MYH11: variants seen among roughly 807,000 people sequenced by gnomAD.
The protein encoded by MYH11 is myosin heavy chain 11, also known as myosin-11.
MYH11 carries 80 observed loss-of-function variants against 246.6 expected under a neutral mutation model. The observed-to-expected ratio is 0.32, with a 90% CI of 0.27 to 0.39. The LOEUF (loss-of-function observed/expected upper bound fraction) is 0.39. MYH11 is among the 10% of genes least tolerant of loss of function. The pLI is 1.00. For synonymous variants in MYH11, 1,071 were observed against 1,015.5 expected, an observed-to-expected ratio of 1.05 and a Z score of -1.04; for missense variants, 2,158 against 2,546.8, an observed-to-expected ratio of 0.85 and a Z score of 3.29.
intron 1 of MYH11, among the ~76,000 whole-genome samples, chr16:15,850,946 A>T (rs1048676926): frequency 6.6e-6 from 1 of 152,120 alleles, no homozygotes; most frequent in African/African-American, 2.4e-5. Context: ...AATGTCATAA[A>T]GGGCTGGATA....
At chr16:15,777,415 C>T (rs1596820509) in intron 7 of MYH11, among the ~76,000 whole-genome samples, 2 of 152,200 alleles carry the variant, frequency 1.3e-5, no homozygotes, top group East Asian at 3.9e-4. Flanking sequence ...ACCACCGTGC[C>T]TGGCTGAGAT....
intron 3 of MYH11, among the ~76,000 whole-genome samples, chr16:15,820,975 C>T (rs150836834): frequency 1.7e-4 from 26 of 152,302 alleles, no homozygotes; most frequent in African/African-American, 5.5e-4. Context: ...TGGTCTCAAG[C>T]GATCCTCCCA....
rs774511118 is a variant in MYH11 at position 15,714,923 on chromosome 16, G to C, written c.5772C>G (p.Leu1924=). The change falls in exon 40 of 41, where the codon CTC becomes CTG. Residue 1924 remains leucine (L), a synonymous_variant. Transcript: ENST00000300036. ...NEAMGREVNA[L]KSKLRRGNET... ...GGGCTCCTCACCTGAGCTTGCTCTTGAGTGCGTTCACCTCGCGGCCCATGG... is the reference window on the plus strand; with the variant it reads ...GGGCTCCTCACCTGAGCTTGCTCTTCAGTGCGTTCACCTCGCGGCCCATGG... 15 of 1,613,862 alleles carry C rather than the reference G, an allele frequency of 9.3e-6. No homozygotes were observed. The highest frequency in any genetic ancestry group is 1.3e-5 in the Non-Finnish European group (15 of 1,180,036).
In MYH11 at chr16:15,719,328, G is replaced by GT; in HGVS notation, c.5083-21_5083-20insA. The GT allele has an allele frequency of 6.2e-7, 1 of 1,607,130 alleles. No homozygotes were observed. Among genetic ancestry groups the GT allele is most frequent in the African/African-American group, 1.3e-5 (1 of 75,032 alleles). On this transcript the variant is annotated intron_variant, in intron 35 of 40. Transcript: ENST00000300036. ...GAGGTCCTAGGTGGGAGGGAGGAAG[G>GT]CTGTTGTCTGCCAGGGAAAGGCCAA...
Position 15,850,280 on chromosome 16 carries a change from G to A in MYH11, c.-18+6661C>T, listed in dbSNP as rs538739448. 4.6e-5 allele frequency among the ~76,000 whole-genome samples: 7 copies of A among 152,262 alleles called. No homozygotes were observed. In the South Asian group the frequency reaches 1.0e-3, roughly 23 times the overall value. ...GGCGCCTGTAATACCAGCTACTCAG[G>A]AGGCTGAGGAAGGAGAATCGCTTGA... On this transcript the variant is annotated intron_variant, in intron 1 of 40. Coordinates refer to ENST00000300036, the MANE Select transcript of MYH11 (RefSeq NM_002474.3).
intron 3 of MYH11, among the ~76,000 whole-genome samples, chr16:15,807,776 G>A (rs899033081): frequency 6.6e-6 from 1 of 152,134 alleles, no homozygotes; most frequent in African/African-American, 2.4e-5. Context: ...CCTCGGATGT[G>A]TAAGGCCCCA....
At chr16:15,774,158 G>T (rs897153417) in intron 8 of MYH11, among the ~76,000 whole-genome samples, 2 of 152,200 alleles carry the variant, frequency 1.3e-5, no homozygotes, top group African/African-American at 4.8e-5. Context: ...CAAACTTTTG[G>T]ATTAACTTGA....
At chr16:15,746,744 C>T (rs1045606725) in intron 19 of MYH11, among the ~76,000 whole-genome samples, 1 of 152,144 alleles carries the variant, frequency 6.6e-6, no homozygotes, top group Non-Finnish European at 1.5e-5. Context: ...CACTGGGACA[C>T]GGGGATCTAG....
At chr16:15,766,921 G>A (rs967070782) in intron 9 of MYH11, among the ~76,000 whole-genome samples, 10 of 152,238 alleles carry the variant, frequency 6.6e-5, no homozygotes, top group African/African-American at 2.4e-4. Context: ...GCATCCTGGT[G>A]TGCTGGTGCA....
intron 27 of MYH11, among the ~76,000 whole-genome samples, chr16:15,727,512 T>C (rs2040829618): frequency 6.6e-6 from 1 of 152,142 alleles, no homozygotes; most frequent in Admixed American, 6.6e-5. Context: ...ATATTTTGGA[T>C]TCTATTTTCC....
At position 15,771,605 on chromosome 16, in the gene MYH11, T is replaced by A. The variant is rs754644880; in HGVS notation, c.997A>T (p.Met333Leu). 6.2e-7 allele frequency: 1 copy of A among 1,614,050 alleles called. No homozygotes were observed. The highest frequency in any genetic ancestry group is 8.5e-7 in the Non-Finnish European group (1 of 1,180,016). Reference protein sequence around the residue: ...DEMFQETVEAMAIMGFSEEEQ... With the variant: ...DEMFQETVEALAIMGFSEEEQ... Reference sequence around the variant, plus strand: ...TCCTCGCTGAAACCCATGATTGCCATGGCCTCCACGGTTTCCTGGAACATC... The same window carrying A: ...TCCTCGCTGAAACCCATGATTGCCAAGGCCTCCACGGTTTCCTGGAACATC... Residue 333 changes from methionine (M) to leucine (L), a missense_variant, in exon 9 of 41, where the codon ATG becomes TTG. By Grantham distance (15) the Met-to-Leu change is conservative. Around this residue, in one of 11 missense-constraint regions of MYH11, gnomAD observed 75 missense variants for 70.0 expected, o/e 1.07. Coordinates refer to ENST00000300036, the MANE Select transcript of MYH11 (RefSeq NM_002474.3).
Position 15,760,541 on chromosome 16 carries a change from T to C in MYH11, c.1247A>G (p.Gln416Arg), listed in dbSNP as rs2041844568. 2 of 1,598,530 alleles carry C rather than the reference T, an allele frequency of 1.3e-6. No individual in the cohort carries two copies. Among genetic ancestry groups the C allele is most frequent in the African/African-American group, 1.3e-5 (1 of 74,628 alleles). Residue 416 changes from glutamine to arginine, a missense_variant and splice_region_variant, in exon 11 of 41, where the codon CAG becomes CGG. Gln to Arg is a conservative substitution (Grantham distance 43, BLOSUM62 1). Coordinates refer to ENST00000300036, the MANE Select transcript of MYH11 (RefSeq NM_002474.3). ...GATAAGTGATAAGTACATCATTACC[T>C]GTTCTTTTGTCTGAGCTTTCTGTAC... The part of the protein sequence containing the change: ...DVVQKAQTKE[Q>R]ADFAVEALAK...
intron 3 of MYH11, among the ~76,000 whole-genome samples, chr16:15,802,102 C>T (rs1000365329): frequency 6.6e-6 from 1 of 152,174 alleles, no homozygotes; most frequent in African/African-American, 2.4e-5. Flanking sequence ...TTTCCTCATC[C>T]CACCAAAAAT....
rs145454609 is a variant in MYH11, at chr16:15,770,708, C to T, written c.1033+861G>A. On this transcript the variant is annotated intron_variant, in intron 9 of 40. Transcript: ENST00000300036. The stretch of plus-strand genomic sequence containing the variant: ...TAGGGACCATAATGAAACCACCCTG[C>T]GCTTTCCACAACCCTGCCTATGCTG... Among the ~76,000 whole-genome samples the T allele has an allele frequency of 9.9e-5, 15 of 152,240 alleles. No individual in the cohort carries two copies. In the South Asian group the frequency reaches 1.0e-3, roughly 11 times the overall value.
intron 3 of MYH11, among the ~76,000 whole-genome samples, chr16:15,810,874 A>G (rs941139541): frequency 7.9e-5 from 12 of 152,224 alleles, no homozygotes; most frequent in African/African-American, 2.9e-4. Flanking sequence ...ATCATCTAAA[A>G]CAGTGATCTA....
chr16:15,704,261 CACAAATA>C, intron 40 of MYH11, 138 bp from the exon 41 acceptor site: 1 of 918,612 alleles, frequency 1.1e-6, no homozygotes, highest in South Asian at 1.5e-5. Context: ...ACACACACGG[CACAAATA>C]AGATGCAGAT....
At chr16:15,756,960 G>C (rs1256294643) in intron 13 of MYH11, among the ~76,000 whole-genome samples, 7 of 151,452 alleles carry the variant, frequency 4.6e-5, no homozygotes, top group African/African-American at 1.7e-4. Flanking sequence ...CACGGCGCCC[G>C]GCTGATTTTT....
Position 15,778,852 on chromosome 16 carries a change from A to G in MYH11, c.727-9T>C. 1 of 1,614,042 alleles carries G rather than the reference A, an allele frequency of 6.2e-7. No individual in the cohort carries two copies. ...ATGCGGATGAATTTGCCCTGCCAAC[A>G]GGAAAACACAGTTCAGGCTTTGCTG... On this transcript the variant is annotated splice_polypyrimidine_tract_variant and intron_variant, in intron 6 of 40. Coordinates refer to ENST00000300036, the MANE Select transcript of MYH11 (RefSeq NM_002474.3).
At chr16:15,787,600 A>C (rs1357093898) in intron 4 of MYH11, among the ~76,000 whole-genome samples, 1 of 149,998 alleles carries the variant, frequency 6.7e-6, no homozygotes, top group Non-Finnish European at 1.5e-5. Context: ...CAGCCTCCCA[A>C]GTAGCTGGGA....
Sources: allele counts gnomAD v4.1 joint callset (sites outside exome capture counted in the v4.1 genomes callset), GRCh38; gene constraint gnomAD v4.1.1; regional missense constraint gnomAD v4.1.1; transcripts MANE v1.5; gene names NCBI Gene and HGNC (gene_info 2026-07-23, HGNC 2026-07-21).